The following PPP6R3 variants were observed in gnomAD, a reference collection of about 807,000 sequenced individuals.
PPP6R3 encodes the protein protein phosphatase 6 regulatory subunit 3, also known as serine/threonine-protein phosphatase 6 regulatory subunit 3.
In PPP6R3, 38 loss-of-function variants were observed where a neutral mutation model predicts 110.7. That is an observed-to-expected ratio of 0.34 (90% CI 0.26 to 0.45). The LOEUF (loss-of-function observed/expected upper bound fraction) is 0.45, where lower values mean the gene tolerates loss of function less well. Ranked by LOEUF, PPP6R3 falls within the 20% of genes least tolerant of loss-of-function variation. PPP6R3 has a pLI of 1.00. For missense variants in PPP6R3, 870 were observed against 1,062.4 expected, an observed-to-expected ratio of 0.82 and a Z score of 2.52; for synonymous variants, 369 against 373.5, an observed-to-expected ratio of 0.99 and a Z score of 0.14.
Position 68,478,647 on chromosome 11 carries a change from G to GTTTTTTTTTTTTTTTTTTTTTTTT in PPP6R3, c.-158+17822_-158+17845dup. On this transcript the variant is annotated intron_variant, in intron 1 of 23. Coordinates refer to ENST00000393800, the MANE Select transcript of PPP6R3 (RefSeq NM_001164161.2). The stretch of plus-strand genomic sequence containing the variant: ...ACTGATGAGTTAGTGCACTTGGTAA[G>GTTTTTTTTTTTTTTTTTTTTTTTT]TTTTTTTTTTTTTTTTTTTTTTTTT... Among the ~76,000 whole-genome samples, 41 of 50,514 alleles carry GTTTTTTTTTTTTTTTTTTTTTTTT rather than the reference G, an allele frequency of 8.1e-4. 14 individuals are homozygous for GTTTTTTTTTTTTTTTTTTTTTTTT. Among genetic ancestry groups the GTTTTTTTTTTTTTTTTTTTTTTTT allele is most frequent in the African/African-American group, 2.0e-3 (21 of 10,268 alleles). The allele number at this position is 50,514 out of a possible 152,430, so 33.1% of individuals were successfully genotyped here. A position where few individuals can be genotyped will look rare whatever the true frequency, so the allele number is the denominator to read the frequency against.
intron 1 of PPP6R3, among the ~76,000 whole-genome samples, chr11:68,487,104 T>C (rs113446779): frequency 0.01 from 1,558 of 152,312 alleles, 12 homozygotes; most frequent in African/African-American, 0.012. Flanking sequence ...TCTTTTCTTA[T>C]GCTTACTTTG....
intron 22 of PPP6R3, among the ~76,000 whole-genome samples, chr11:68,608,028 C>A (rs1941264488): frequency 8.0e-6 from 1 of 125,210 alleles, no homozygotes; most frequent in Admixed American, 8.0e-5. Context: ...CTCGGCAGGA[C>A]TTCTTTAAAA....
In PPP6R3 at chr11:68,615,012, C is replaced by T. The variant is rs973519014; in HGVS notation, c.*1895C>T. On this transcript the variant is annotated 3_prime_UTR_variant, in exon 24 of 24. Transcript: ENST00000393800. ...CCCACTGTGGCCTCTGTGGTATGGA[C>T]CTGGTGGCTTCTCCATCCTACCCAA... is the stretch of plus-strand genomic sequence containing the variant. 3.8e-6 allele frequency: 2 copies of T among 529,350 alleles called. No homozygotes were observed. The highest frequency in any genetic ancestry group is 4.5e-5 in the Admixed American group (2 of 44,724). 32.8% of individuals were successfully genotyped at this position (529,350 alleles called of 1,614,324 possible). A position where few individuals can be genotyped will look rare whatever the true frequency, so the allele number is the denominator to read the frequency against.
At chr11:68,559,760 G>GCCCTCTTCCCACCCCAGGGGTACAGTA (rs2099412002) in intron 8 of PPP6R3, among the ~76,000 whole-genome samples, 3 of 151,606 alleles carry the variant, frequency 2.0e-5, no homozygotes, top group African/African-American at 7.3e-5. Flanking sequence ...GGGATACAGT[G>GCCCTCTTCCCACCCCAGGGGTACAGTA]CCCTCTTCCC....
chr11:68,518,653 T>C (rs1370381654), intron 1 of PPP6R3, among the ~76,000 whole-genome samples: 1 of 152,238 alleles, frequency 6.6e-6, no homozygotes, highest in Admixed American at 6.5e-5. Flanking sequence ...AAATTAAATA[T>C]ACTCGTTTTA....
At chr11:68,600,668 A>G (rs1321545842) in intron 20 of PPP6R3, among the ~76,000 whole-genome samples, 174 bp downstream of exon 20, 1 of 152,238 alleles carries the variant, frequency 6.6e-6, no homozygotes, top group African/African-American at 2.4e-5. Context: ...AAGAACAATC[A>G]CCATCTTCCT....
In PPP6R3 at chr11:68,583,031, T is replaced by C. The variant is rs1481428640; in HGVS notation, c.1546-12T>C. The C allele has an allele frequency of 1.4e-6, 2 of 1,474,614 alleles. No homozygotes were observed. The highest frequency in any genetic ancestry group is 1.8e-6 in the Non-Finnish European group (2 of 1,096,446). The allele number at this position is 1,474,614 out of a possible 1,614,324, so 91.3% of individuals were successfully genotyped here. On this transcript the variant is annotated splice_polypyrimidine_tract_variant and intron_variant, in intron 14 of 23. Coordinates refer to ENST00000393800, the MANE Select transcript of PPP6R3 (RefSeq NM_001164161.2). ...CTATGTTAAATAGTCTTTTACATTT[T>C]TATGCATATAGGTTACAACCTGCCA...
intron 1 of PPP6R3, among the ~76,000 whole-genome samples, chr11:68,484,613 G>A (rs1196160584): frequency 6.6e-6 from 1 of 151,602 alleles, no homozygotes; most frequent in Non-Finnish European, 1.5e-5. Context: ...TTGAGACGGA[G>A]TTTCGCTCTT....
intron 7 of PPP6R3, among the ~76,000 whole-genome samples, 197 bp downstream of exon 7, chr11:68,554,454 A>G (rs562764616): frequency 6.6e-6 from 1 of 152,200 alleles, no homozygotes; most frequent in Non-Finnish European, 1.5e-5. Flanking sequence ...AATGACATTT[A>G]TATCTAGACT....
At chr11:68,532,127 T>C (rs2099244490) in intron 2 of PPP6R3, among the ~76,000 whole-genome samples, 1 of 152,152 alleles carries the variant, frequency 6.6e-6, no homozygotes, top group Non-Finnish European at 1.5e-5. Context: ...TTCCAGAGAG[T>C]GTCACTGCTT....
chr11:68,516,062 C>T (rs1224319880), intron 1 of PPP6R3, among the ~76,000 whole-genome samples: 2 of 152,134 alleles, frequency 1.3e-5, no homozygotes, highest in East Asian at 1.9e-4. Context: ...ATTACATAGT[C>T]TTCTGCCTTT....
chr11:68,494,064 C>G (rs1209580047), intron 1 of PPP6R3, among the ~76,000 whole-genome samples: 1 of 145,288 alleles, frequency 6.9e-6, no homozygotes, highest in African/African-American at 2.5e-5. Flanking sequence ...GATTGCGCCA[C>G]TGTACTCCAG....
At chr11:68,573,114 T>TCATATATATATATA (rs1555173816) in intron 12 of PPP6R3, among the ~76,000 whole-genome samples, 2 of 61,796 alleles carry the variant, frequency 3.2e-5, no homozygotes, top group Non-Finnish European at 2.7e-5. Flanking sequence ...TTTACTTATT[T>TCATATATATATATA]TATATATATA....
At chr11:68,477,153 G>A (rs1281281686) in intron 1 of PPP6R3, among the ~76,000 whole-genome samples, 1 of 152,092 alleles carries the variant, frequency 6.6e-6, no homozygotes, top group Non-Finnish European at 1.5e-5. Flanking sequence ...TTAAAAGAAT[G>A]TGTATTTCCA....
Position 68,603,374 on chromosome 11 carries a change from G to A in PPP6R3, c.2332G>A (p.Asp778Asn), listed in dbSNP as rs201280471. 2.4e-5 allele frequency: 38 copies of A among 1,614,018 alleles called. No individual in the cohort carries two copies. Among genetic ancestry groups the A allele is most frequent in the Non-Finnish European group, 1.0e-5 (12 of 1,180,010 alleles). The change falls in exon 22 of 24, where the codon GAC (aspartate) becomes AAC (asparagine). Residue 778 changes from aspartate (D) to asparagine (N), a missense_variant. Transcript: ENST00000393800. ...CAGTGTGGCCATGGAAGCCAGCTCT[G>A]ACGGAGAGGAGGATGCAGAAAGTAC... is the stretch of plus-strand genomic sequence containing the variant. ...AGSVAMEASS[D>N]GEEDAESTDK...
chr11:68,570,159 A>G (rs991075772), intron 11 of PPP6R3, among the ~76,000 whole-genome samples: 5 of 152,266 alleles, frequency 3.3e-5, no homozygotes, highest in African/African-American at 4.8e-5. Context: ...GTTTGAAGAT[A>G]TATAAATTCT....
At chr11:68,607,855 C>T (rs1339592315) in intron 22 of PPP6R3, among the ~76,000 whole-genome samples, 1 of 151,818 alleles carries the variant, frequency 6.6e-6, no homozygotes, top group Non-Finnish European at 1.5e-5. Flanking sequence ...CTCACTGTAA[C>T]TTCCAACTCC....
rs1942586067 is a variant in PPP6R3 at position 68,610,038 on chromosome 11, C to G, written c.2570+15C>G. 1 of 1,612,274 alleles carries G rather than the reference C, an allele frequency of 6.2e-7. No individual in the cohort carries two copies. Among genetic ancestry groups the G allele is most frequent in the Admixed American group, 1.7e-5 (1 of 59,934 alleles). On this transcript the variant is annotated intron_variant, in intron 23 of 23. Transcript: ENST00000393800. ...CCCGAGCAGAGGTAACCACCCGCCTCCTCAAACCCACCCAGGCCCTGCCCT... is the reference window on the plus strand; with the variant it reads ...CCCGAGCAGAGGTAACCACCCGCCTGCTCAAACCCACCCAGGCCCTGCCCT...
chr11:68,486,032 G>A (rs1396439593), intron 1 of PPP6R3, among the ~76,000 whole-genome samples: 1 of 149,130 alleles, frequency 6.7e-6, no homozygotes, highest in Non-Finnish European at 1.5e-5. Context: ...AAAAAAAAAA[G>A]CTACACCTAA....
Sources: gnomAD v4.1 joint callset for allele counts (sites outside exome capture counted in the v4.1 genomes callset) on GRCh38, gnomAD v4.1.1 for gene constraint, MANE v1.5 for transcripts, NCBI Gene and HGNC (gene_info 2026-07-23, HGNC 2026-07-21) for gene names.